ANKRD11: variants seen among roughly 807,000 people sequenced by gnomAD.
ANKRD11 encodes the protein ankyrin repeat domain-containing protein 11.
In ANKRD11, 17 loss-of-function variants were observed where a neutral mutation model predicts 195.7. That is an observed-to-expected ratio of 0.09 (90% confidence interval 0.06 to 0.13). ANKRD11 has a LOEUF of 0.13. Ranked by LOEUF, ANKRD11 falls within the 10% of genes least tolerant of loss-of-function variation. The pLI, the probability that ANKRD11 is intolerant of heterozygous loss-of-function variation, is 1.00. For missense variants in ANKRD11, 3,735 were observed against 3,566.1 expected (o/e 1.05, Z -1.21); for synonymous variants, 1,953 against 1,528.1 (o/e 1.28, Z -6.49).
intron 1 of ANKRD11, among the ~76,000 whole-genome samples, chr16:89,473,690 T>C (rs1364450869): frequency 2.6e-5 from 4 of 152,134 alleles, no homozygotes; most frequent in Admixed American, 6.5e-5. Context: ...GAGACTGACA[T>C]GTCAGTATCC....
chr16:89,461,263 G>A (rs1214861171), intron 1 of ANKRD11, among the ~76,000 whole-genome samples: 2 of 151,456 alleles, frequency 1.3e-5, no homozygotes, highest in African/African-American at 2.4e-5. Flanking sequence ...GGGTTATGGG[G>A]AGAGTCGAGG....
intron 2 of ANKRD11, among the ~76,000 whole-genome samples, chr16:89,379,930 AATC>A (rs1567722930): frequency 6.6e-6 from 1 of 152,238 alleles, no homozygotes; most frequent in African/African-American, 2.4e-5. Flanking sequence ...TCAGTTTTCC[AATC>A]ATCATTTCTC....
chr16:89,358,250 T>C (rs191593382), intron 2 of ANKRD11, among the ~76,000 whole-genome samples: 1 of 152,354 alleles, frequency 6.6e-6, no homozygotes, highest in Non-Finnish European at 1.5e-5. Flanking sequence ...CGCATGGAGC[T>C]GTGCCGGCTT....
chr16:89,326,255 C>T (rs917634908), intron 2 of ANKRD11, among the ~76,000 whole-genome samples: 1 of 152,154 alleles, frequency 6.6e-6, no homozygotes, highest in African/African-American at 2.4e-5. Flanking sequence ...TGGAAATAAA[C>T]ACACGGAAGT....
intron 1 of ANKRD11, among the ~76,000 whole-genome samples, chr16:89,473,179 C>A (rs200191943): frequency 2.2e-4 from 32 of 142,602 alleles, no homozygotes; most frequent in South Asian, 4.4e-4. Flanking sequence ...GACCCTGCCT[C>A]AAAAAAAAAA....
At chr16:89,478,196 ACACACAGGCCTCTGGGGC>A (rs1375937235) in intron 1 of ANKRD11, among the ~76,000 whole-genome samples, 1 of 152,196 alleles carries the variant, frequency 6.6e-6, no homozygotes, top group Non-Finnish European at 1.5e-5. Flanking sequence ...CGCCAGCAGC[ACACACAGGCCTCTGGGGC>A]CAGCAGAGAA....
At chr16:89,347,916 C>T (rs1224913595) in intron 2 of ANKRD11, among the ~76,000 whole-genome samples, 1 of 152,004 alleles carries the variant, frequency 6.6e-6, no homozygotes, top group Non-Finnish European at 1.5e-5. Context: ...AGAGCACTTT[C>T]CTCATGAATA....
At chr16:89,476,549 G>A (rs1485827167) in intron 1 of ANKRD11, among the ~76,000 whole-genome samples, 1 of 152,238 alleles carries the variant, frequency 6.6e-6, no homozygotes. Context: ...CTTCTAACCA[G>A]CCTGGGCAGG....
rs746974160 is a variant in ANKRD11, at chr16:89,288,515, G to A, written c.744+13C>T. ...GGACAGGCCGGATGTGTGAAGAACG[G>A]GGGGATGCCAACCTTGTAGTGCCCG... is the stretch of plus-strand genomic sequence containing the variant. On this transcript the variant is annotated intron_variant, in intron 7 of 12. Coordinates refer to ENST00000301030, the MANE Select transcript of ANKRD11 (RefSeq NM_013275.6). 4.3e-6 allele frequency: 7 copies of A among 1,613,990 alleles called. No individual in the cohort carries two copies. In the East Asian group the frequency reaches 8.9e-5, roughly 21 times the overall value.
intron 2 of ANKRD11, among the ~76,000 whole-genome samples, chr16:89,387,004 T>G (rs949845609): frequency 1.3e-5 from 2 of 150,716 alleles, no homozygotes; most frequent in Non-Finnish European, 2.9e-5. Context: ...ATCGACTGGG[T>G]GCTCTGGAGG....
At chr16:89,411,235 C>T (rs1259911370) in intron 2 of ANKRD11, among the ~76,000 whole-genome samples, 2 of 152,230 alleles carry the variant, frequency 1.3e-5, no homozygotes, top group Non-Finnish European at 2.9e-5. Context: ...GGTGCCACCA[C>T]GGGGGCCCAG....
intron 1 of ANKRD11, among the ~76,000 whole-genome samples, chr16:89,477,926 C>G (rs1043752682): frequency 6.6e-6 from 1 of 152,096 alleles, no homozygotes; most frequent in Non-Finnish European, 1.5e-5. Flanking sequence ...CCACTGCACT[C>G]CAGTCTGGGG....
At chr16:89,322,352 G>A (rs763506232) in intron 2 of ANKRD11, among the ~76,000 whole-genome samples, 7 of 152,182 alleles carry the variant, frequency 4.6e-5, no homozygotes, top group Non-Finnish European at 1.0e-4. Context: ...CTTTACGTAC[G>A]TCCTGGGCAA....
intron 7 of ANKRD11, chr16:89,287,056 G>C (rs1319302554): frequency 1.6e-6 from 2 of 1,289,674 alleles, no homozygotes; most frequent in African/African-American, 3.0e-5. Context: ...TACAATTGTG[G>C]AGGTCAGAGG....
intron 4 of ANKRD11, among the ~76,000 whole-genome samples, chr16:89,302,927 G>C (rs1049952703): frequency 6.6e-6 from 1 of 152,174 alleles, no homozygotes; most frequent in Non-Finnish European, 1.5e-5. Context: ...GACCCACAGA[G>C]AGCGAGAATG....
At chr16:89,307,635 C>A (rs556248287) in intron 3 of ANKRD11, among the ~76,000 whole-genome samples, 1 of 152,358 alleles carries the variant, frequency 6.6e-6, no homozygotes, top group South Asian at 2.1e-4. Context: ...CAGGTCCTCC[C>A]GGCCCTCGGC....
intron 3 of ANKRD11, among the ~76,000 whole-genome samples, chr16:89,311,642 A>G (rs556467015): frequency 6.6e-6 from 1 of 152,322 alleles, no homozygotes; most frequent in East Asian, 1.9e-4. Flanking sequence ...AACACAGGAA[A>G]AACTTCTGTG....
intron 1 of ANKRD11, among the ~76,000 whole-genome samples, chr16:89,444,455 G>A (rs551218829): frequency 8.6e-5 from 13 of 152,036 alleles, no homozygotes; most frequent in Admixed American, 2.0e-4. Context: ...GCAACGGGGC[G>A]GTCGGGGGGG....
At chr16:89,349,436 C>T (rs912520866) in intron 2 of ANKRD11, among the ~76,000 whole-genome samples, 8 of 152,016 alleles carry the variant, frequency 5.3e-5, no homozygotes, top group Non-Finnish European at 1.2e-4. Flanking sequence ...GCTGAGATCG[C>T]GCCACTGCAC....
Sources: gnomAD v4.1 joint callset for allele counts (sites outside exome capture counted in the v4.1 genomes callset) on GRCh38, gnomAD v4.1.1 for gene constraint, MANE v1.5 for transcripts, NCBI Gene and HGNC (gene_info 2026-07-23, HGNC 2026-07-21) for gene names.